Variants in PHEX observed in about 807,000 individuals in gnomAD.
PHEX encodes phosphate-regulating neutral endopeptidase PHEX.
Under a neutral mutation model 68.0 loss-of-function variants are expected in PHEX, and 16 were observed. That is an observed-to-expected ratio of 0.24 (90% CI 0.16 to 0.36). The LOEUF (loss-of-function observed/expected upper bound fraction) is 0.36. Ranked by LOEUF, PHEX falls within the 10% of genes least tolerant of loss-of-function variation. The probability of loss-of-function intolerance (pLI) is 1.00; values close to 1 mark genes in which losing one functional copy is unlikely to be tolerated. For synonymous variants in PHEX, 208 were observed against 205.1 expected (o/e 1.01, Z -0.12); for missense variants, 480 against 575.5 (o/e 0.83, Z 1.70).
At chrX:22,232,279 A>G (rs902700177) in intron 20 of PHEX, among the ~76,000 whole-genome samples, 6 of 111,380 alleles carry the variant, frequency 5.4e-5, no homozygotes, top group African/African-American at 9.8e-5. Context: ...GTAGATGCCT[A>G]TTAGGTCCAC....
intron 15 of PHEX, among the ~76,000 whole-genome samples, chrX:22,198,737 C>T (rs1264223731): frequency 9.0e-6 from 1 of 111,307 alleles, no homozygotes; most frequent in East Asian, 2.8e-4. Flanking sequence ...TGTCAAAGAA[C>T]AGGCCAGAGG....
chrX:22,228,148 A>T (rs770272142), intron 20 of PHEX, among the ~76,000 whole-genome samples: 21 of 112,049 alleles, frequency 1.9e-4, no homozygotes, highest in Non-Finnish European at 3.2e-4. Flanking sequence ...TTGGAGCAGA[A>T]ATTGAAAGGA....
intron 20 of PHEX, among the ~76,000 whole-genome samples, chrX:22,238,412 T>C (rs1039694269): frequency 2.7e-5 from 3 of 111,644 alleles, no homozygotes; most frequent in African/African-American, 9.8e-5. Context: ...GCCCAGCTAC[T>C]GCGCATTTCC....
intron 18 of PHEX, among the ~76,000 whole-genome samples, chrX:22,224,947 A>ATTATCATACAGCGCTGTATGATTT (rs745975380): frequency 8.6e-5 from 2 of 23,248 alleles, no homozygotes; most frequent in Admixed American, 4.9e-4. Context: ...AAATAACATA[A>ATTATCATACAGCGCTGTATGATTT]ATTATCATAC....
intron 9 of PHEX, 33 bp from the exon 10 acceptor site, chrX:22,111,434 A>G (rs756573416): frequency 9.3e-7 from 1 of 1,075,119 alleles, no homozygotes; most frequent in East Asian, 3.0e-5. Flanking sequence ...TTGACCTAAA[A>G]TACAATAAAT....
chrX:22,202,815 G>C (rs1934598936), intron 15 of PHEX, among the ~76,000 whole-genome samples: 1 of 111,673 alleles, frequency 9.0e-6, no homozygotes, highest in Admixed American at 9.5e-5. Flanking sequence ...CTTTATAGTG[G>C]AAGGAAATTA....
intron 14 of PHEX, among the ~76,000 whole-genome samples, chrX:22,181,083 C>T (rs5951717): frequency 0.059 from 6,571 of 111,453 alleles, 440 homozygotes; most frequent in African/African-American, 0.2. Flanking sequence ...GATGTTCCTT[C>T]GATGTACTGA....
At chrX:22,131,372 C>G (rs971417837) in intron 11 of PHEX, among the ~76,000 whole-genome samples, 3 of 112,655 alleles carry the variant, frequency 2.7e-5, no homozygotes, top group African/African-American at 9.7e-5. Flanking sequence ...TCCAAAGATT[C>G]TAATGGGCAG....
intron 16 of PHEX, among the ~76,000 whole-genome samples, chrX:22,215,280 C>T (rs1005518631): frequency 1.2e-4 from 13 of 111,431 alleles, no homozygotes; most frequent in African/African-American, 4.2e-4. Context: ...ATAGCTACTA[C>T]ATATCATTTG....
intron 15 of PHEX, among the ~76,000 whole-genome samples, chrX:22,200,793 T>A (rs781777663): frequency 9.0e-6 from 1 of 110,836 alleles, no homozygotes; most frequent in Admixed American, 9.6e-5. Context: ...CAAGATATTA[T>A]AGAATGTAAG....
intron 6 of PHEX, among the ~76,000 whole-genome samples, chrX:22,092,331 C>T (rs1286340490): frequency 1.9e-4 from 21 of 111,905 alleles, no homozygotes; most frequent in Non-Finnish European, 1.9e-5. Context: ...AGAGGGCCTA[C>T]CAAGCCACCT....
At chrX:22,142,125 G>A (rs748483114) in intron 12 of PHEX, among the ~76,000 whole-genome samples, 82 of 111,362 alleles carry the variant, frequency 7.4e-4, no homozygotes, top group African/African-American at 1.7e-3. Context: ...GGTGGCAGGC[G>A]CCTGTAATCC....
At chrX:22,084,137 T>C (rs1204740141) in intron 5 of PHEX, among the ~76,000 whole-genome samples, 2 of 111,987 alleles carry the variant, frequency 1.8e-5, no homozygotes, top group Admixed American at 1.9e-4. Flanking sequence ...TGTTTATATT[T>C]ATGTACTTGA....
chrX:22,142,113 G>A (rs1376830530), intron 12 of PHEX, among the ~76,000 whole-genome samples: 2 of 111,283 alleles, frequency 1.8e-5, no homozygotes, highest in East Asian at 2.8e-4. Context: ...TTAGCCGGGT[G>A]TGGTGGCAGG....
At chrX:22,089,546 G>A (rs1602283924) in intron 5 of PHEX, among the ~76,000 whole-genome samples, 2 of 108,811 alleles carry the variant, frequency 1.8e-5, no homozygotes, top group Admixed American at 2.0e-4. Context: ...TCAGCCTCCT[G>A]AGTAGCTGGG....
intron 19 of PHEX, 63 bp from the exon 20 acceptor site, chrX:22,227,444 C>G: frequency 1.3e-6 from 1 of 745,688 alleles, no homozygotes. Flanking sequence ...TATTCCTGTG[C>G]TAGCTGAGCA....
rs145246072 is a variant in PHEX, at chrX:22,115,082, C to G, written c.1302+496C>G. 3.5e-4 allele frequency among the ~76,000 whole-genome samples: 39 copies of G among 111,586 alleles called. No individual in the cohort carries two copies. The East Asian group carries it at 0.011, about 31-fold the overall frequency. ...GTGGCTCACACCTGTAATCCTAGTA[C>G]TTTGAGAGGCTAAGCCGGGCAGATC... On this transcript the variant is annotated intron_variant, in intron 11 of 21. Coordinates refer to ENST00000379374, the MANE Select transcript of PHEX (RefSeq NM_000444.6).
At chrX:22,103,094 G>A (rs775903094) in intron 9 of PHEX, among the ~76,000 whole-genome samples, 2 of 111,188 alleles carry the variant, frequency 1.8e-5, no homozygotes, top group East Asian at 5.7e-4. Flanking sequence ...TCTAAATGGG[G>A]TCACCCTCAT....
At position 22,057,700 on chromosome X, in the gene PHEX, G is replaced by A. The variant is rs752696259; in HGVS notation, c.349+10489G>A. 4.5e-5 allele frequency among the ~76,000 whole-genome samples: 5 copies of A among 111,747 alleles called. No individual in the cohort carries two copies. In the South Asian group the frequency reaches 1.5e-3, roughly 33 times the overall value. ...GATGTCATTTGTGTACATGCTTGCT[G>A]TTCTTCTCACTTACACCCATCCCCG... On this transcript the variant is annotated intron_variant, in intron 3 of 21. Transcript: ENST00000379374.
Sources: gnomAD v4.1 joint callset for allele counts (sites outside exome capture counted in the v4.1 genomes callset) on GRCh38, gnomAD v4.1.1 for gene constraint, MANE v1.5 for transcripts, NCBI Gene and HGNC (gene_info 2026-07-23, HGNC 2026-07-21) for gene names.